The following FGD6 variants were observed in gnomAD, a reference collection of about 807,000 sequenced individuals.
FGD6 encodes FYVE, RhoGEF and PH domain containing 6.
A neutral mutation model predicts 149.4 loss-of-function variants in FGD6; 90 were observed. The observed-to-expected ratio is 0.60, with a 90% CI of 0.51 to 0.72. The LOEUF (loss-of-function observed/expected upper bound fraction) is 0.72, where lower values mean the gene tolerates loss of function less well. FGD6 is among the 30% of genes least tolerant of loss of function. The pLI is 0.00. For synonymous variants in FGD6, 527 were observed against 584.0 expected (o/e 0.90, Z 1.41); for missense variants, 1,437 against 1,684.8 (o/e 0.85, Z 2.57).
chr12:95,174,074 T>C (rs1256211973), intron 2 of FGD6, among the ~76,000 whole-genome samples: 4 of 152,088 alleles, frequency 2.6e-5, no homozygotes, highest in African/African-American at 9.7e-5. Context: ...CTGGGAGTCA[T>C]ATCATAGCCT....
chr12:95,110,313 A>C (rs1878774009), intron 9 of FGD6, among the ~76,000 whole-genome samples: 1 of 150,772 alleles, frequency 6.6e-6, no homozygotes, highest in South Asian at 2.1e-4. Flanking sequence ...ACTATTATTA[A>C]AGGAAAGCAG....
In FGD6 at chr12:95,099,075, C is replaced by T. The variant is rs192756293; in HGVS notation, c.3498-4381G>A. On this transcript the variant is annotated intron_variant, in intron 14 of 20. Coordinates refer to ENST00000343958, the MANE Select transcript of FGD6 (RefSeq NM_018351.4). The stretch of plus-strand genomic sequence containing the variant: ...ATGTAAAATATTAAACGGGGTTTCA[C>T]CATGTTGGCCAGGCTGGTCTTGAAC... Among the ~76,000 whole-genome samples, 668 of 152,212 alleles carry T rather than the reference C, an allele frequency of 4.4e-3. 8 individuals carry two copies. Among genetic ancestry groups the T allele is most frequent in the African/African-American group, 0.015 (630 of 41,542 alleles).
At chr12:95,082,788 C>T (rs1421666121) in intron 20 of FGD6, among the ~76,000 whole-genome samples, 2 of 150,458 alleles carry the variant, frequency 1.3e-5, no homozygotes, top group African/African-American at 4.9e-5. Context: ...TCTTTTTCCT[C>T]CCTACTAATG....
At chr12:95,138,205 A>AAAATAAAT (rs35510034) in intron 6 of FGD6, among the ~76,000 whole-genome samples, 9,524 of 135,888 alleles carry the variant, frequency 0.07, 455 homozygotes, top group African/African-American at 0.11. Context: ...TTCTGTCTCA[A>AAAATAAAT]AAATAAATAA....
chr12:95,110,117 C>T (rs1246557549), intron 9 of FGD6, among the ~76,000 whole-genome samples: 1 of 151,900 alleles, frequency 6.6e-6, no homozygotes, highest in Non-Finnish European at 1.5e-5. Flanking sequence ...GCTGGGACTA[C>T]AGGCACCTGC....
chr12:95,213,293 T>C (rs1334901121), intron 1 of FGD6, among the ~76,000 whole-genome samples: 1 of 152,154 alleles, frequency 6.6e-6, no homozygotes, highest in Non-Finnish European at 1.5e-5. Context: ...AAATTAGTTT[T>C]GGCAGCCTGG....
chr12:95,170,190 T>A (rs1880950120), intron 3 of FGD6, among the ~76,000 whole-genome samples: 1 of 152,216 alleles, frequency 6.6e-6, no homozygotes, highest in African/African-American at 2.4e-5. Context: ...TCCAGTCATT[T>A]AAATCCCAGG....
intron 6 of FGD6, among the ~76,000 whole-genome samples, chr12:95,141,055 C>G (rs1235302254): frequency 2.0e-5 from 3 of 152,070 alleles, no homozygotes; most frequent in African/African-American, 4.8e-5. Context: ...AACCTCATCT[C>G]TACTAAAAAT....
chr12:95,149,404 A>G (rs1469251811), intron 5 of FGD6, among the ~76,000 whole-genome samples: 3 of 121,862 alleles, frequency 2.5e-5, no homozygotes, highest in Non-Finnish European at 4.9e-5. Flanking sequence ...TATATTACAT[A>G]ATATATAGCA....
In FGD6 at chr12:95,110,039, C is replaced by T. The variant is rs543213948; in HGVS notation, c.3134-1478G>A. Among the ~76,000 whole-genome samples, 129 of 150,550 alleles carry T rather than the reference C, an allele frequency of 8.6e-4. 2 individuals are homozygous for T. The highest frequency in any genetic ancestry group is 3.0e-3 in the African/African-American group (123 of 41,016). On this transcript the variant is annotated intron_variant, in intron 9 of 20. Coordinates refer to ENST00000343958, the MANE Select transcript of FGD6 (RefSeq NM_018351.4). ...TCACCCAGGTTGGAGTGCAGTGGCG[C>T]GATCTTGGCTCACTGCAAGCTCCAC...
intron 2 of FGD6, among the ~76,000 whole-genome samples, chr12:95,205,267 CAA>C (rs398055845): frequency 2.1e-5 from 3 of 142,516 alleles, no homozygotes; most frequent in Non-Finnish European, 1.5e-5. Context: ...GACTCTGTCT[CAA>C]AAAAAAAAAA....
intron 8 of FGD6, chr12:95,117,035 T>G (rs6419371): frequency 0.86 from 337,880 of 390,912 alleles, 146,746 homozygotes; most frequent in African/African-American, 0.97. Flanking sequence ...TTGGTCATAG[T>G]GAACCACCTA....
intron 20 of FGD6, among the ~76,000 whole-genome samples, chr12:95,083,100 C>T (rs1404403952): frequency 7.0e-6 from 1 of 143,596 alleles, no homozygotes; most frequent in Non-Finnish European, 1.5e-5. Context: ...CTTGAAATCA[C>T]TCAGTTTAAT....
intron 6 of FGD6, among the ~76,000 whole-genome samples, chr12:95,138,488 G>A (rs978393416): frequency 1.1e-4 from 17 of 151,064 alleles, no homozygotes; most frequent in Admixed American, 2.0e-4. Flanking sequence ...AGGTTGCAGC[G>A]AGCCGAGATT....
At position 95,078,628 on chromosome 12, in the gene FGD6, G is replaced by C. The variant is rs1877571207; in HGVS notation, c.*2892C>G. On this transcript the variant is annotated 3_prime_UTR_variant, in exon 21 of 21. Coordinates refer to ENST00000343958, the MANE Select transcript of FGD6 (RefSeq NM_018351.4). ...TTGGGCAACCAAAATACAATAGGGG[G>C]ATGCTGGGTACATTACAGAAAAAGG... is the stretch of plus-strand genomic sequence containing the variant. 1 of 152,196 alleles carries C rather than the reference G, an allele frequency of 6.6e-6. No individual in the cohort carries two copies. Among genetic ancestry groups the C allele is most frequent in the African/African-American group, 2.4e-5 (1 of 41,440 alleles). The allele number at this position is 152,196 out of a possible 1,614,324, so 9.4% of individuals were successfully genotyped here.
intron 2 of FGD6, among the ~76,000 whole-genome samples, chr12:95,192,412 A>G (rs1415031058): frequency 6.6e-6 from 1 of 152,224 alleles, no homozygotes; most frequent in East Asian, 1.9e-4. Context: ...TATTTTTATT[A>G]TACCATAAAC....
intron 6 of FGD6, among the ~76,000 whole-genome samples, chr12:95,140,711 G>A (rs1445222563): frequency 1.3e-5 from 2 of 152,154 alleles, no homozygotes; most frequent in Admixed American, 1.3e-4. Context: ...TTCATGACCT[G>A]CAGCTCCAGA....
chr12:95,177,906 A>ATT (rs1881177982), intron 2 of FGD6, among the ~76,000 whole-genome samples: 2 of 79,886 alleles, frequency 2.5e-5, no homozygotes, highest in Admixed American at 3.2e-4. Context: ...ATTTTAAACA[A>ATT]CAATTTATTT....
chr12:95,203,167 A>G (rs1015240588), intron 2 of FGD6, among the ~76,000 whole-genome samples: 16 of 152,226 alleles, frequency 1.1e-4, no homozygotes, highest in African/African-American at 3.9e-4. Context: ...CAAATTTAAA[A>G]TGGGGAGAAA....
Sources: gnomAD v4.1 joint callset for allele counts (sites outside exome capture counted in the v4.1 genomes callset) on GRCh38, gnomAD v4.1.1 for gene constraint, MANE v1.5 for transcripts, NCBI Gene and HGNC (gene_info 2026-07-23, HGNC 2026-07-21) for gene names.